The following DNAH14 variants were observed in gnomAD, a reference collection of about 807,000 sequenced individuals.
DNAH14 encodes axonemal beta dynein heavy chain 14.
DNAH14 carries 478 observed loss-of-function variants against 520.9 expected under a neutral mutation model. That is an observed-to-expected ratio of 0.92 (90% CI 0.85 to 0.99). The LOEUF is 0.99. Ranked by LOEUF, DNAH14 falls within the 50% of genes least tolerant of loss-of-function variation. The pLI, the probability that DNAH14 is intolerant of heterozygous loss-of-function variation, is 0.00. For synonymous variants in DNAH14, 1,581 were observed against 1,757.2 expected, an observed-to-expected ratio of 0.90 and a Z score of 2.51; for missense variants, 4,831 against 5,234.5, an observed-to-expected ratio of 0.92 and a Z score of 2.38.
chr1:224,983,679 T>G (rs953424493), intron 8 of DNAH14, among the ~76,000 whole-genome samples: 15 of 152,146 alleles, frequency 9.9e-5, no homozygotes, highest in African/African-American at 3.6e-4. Context: ...CTCCTAGCAC[T>G]GATAAAAGTA....
chr1:224,997,355 A>C (rs1158696776), intron 8 of DNAH14, among the ~76,000 whole-genome samples: 1 of 151,996 alleles, frequency 6.6e-6, no homozygotes, highest in Non-Finnish European at 1.5e-5. Flanking sequence ...TTCTTTGTTG[A>C]ACTGAGCCAT....
In DNAH14 at chr1:225,112,136, T is replaced by C. The variant is rs115017020; in HGVS notation, c.3868-5548T>C. Reference sequence around the variant, plus strand: ...TCTGATTGATGGACTCTCTTCAACATTTCTTGTATAACATGTGTCATCTTG... The same window carrying C: ...TCTGATTGATGGACTCTCTTCAACACTTCTTGTATAACATGTGTCATCTTG... On this transcript the variant is annotated intron_variant, in intron 23 of 85. Coordinates refer to ENST00000682510, the MANE Select transcript of DNAH14 (RefSeq NM_001367479.1). Among the ~76,000 whole-genome samples, 316 of 152,276 alleles carry C rather than the reference T, an allele frequency of 2.1e-3. 1 individual carries two copies. Among genetic ancestry groups the C allele is most frequent in the African/African-American group, 7.3e-3 (302 of 41,584 alleles).
At chr1:225,027,228 C>A (rs757145567) in intron 11 of DNAH14, among the ~76,000 whole-genome samples, 6 of 152,114 alleles carry the variant, frequency 3.9e-5, no homozygotes, top group Non-Finnish European at 8.8e-5. Context: ...CTTTACCAAT[C>A]TGATACCTTT....
rs574286605 is a variant in DNAH14, at chr1:225,156,905, C to T, written c.5274-2409C>T. Among the ~76,000 whole-genome samples the T allele has an allele frequency of 4.1e-5, 5 of 121,120 alleles. 1 individual carries two copies. In the East Asian group the frequency reaches 1.0e-3, roughly 25 times the overall value. 79.5% of individuals were successfully genotyped at this position (121,120 alleles called of 152,430 possible). A position where few individuals can be genotyped will look rare whatever the true frequency, so the allele number is the denominator to read the frequency against. ...AATTTTTTTGTATTTTTAGTAGAGA[C>T]GGGGTTTCACCGTTTTAGCCGGGAT... On this transcript the variant is annotated intron_variant, in intron 34 of 85. Transcript: ENST00000682510.
At chr1:225,340,425 C>A in intron 68 of DNAH14, 32 bp from the exon 69 acceptor site, 1 of 1,492,900 alleles carries the variant, frequency 6.7e-7, no homozygotes, top group South Asian at 1.3e-5. Flanking sequence ...TCTACATGTT[C>A]TTTGAATAAC....
intron 76 of DNAH14, among the ~76,000 whole-genome samples, chr1:225,367,531 C>G (rs1258888921): frequency 1.3e-5 from 2 of 152,156 alleles, no homozygotes; most frequent in Non-Finnish European, 1.5e-5. Context: ...AATCCCAAGC[C>G]CTATGCTCTG....
At chr1:225,378,045 A>G (rs2095725420) in intron 79 of DNAH14, among the ~76,000 whole-genome samples, 1 of 152,066 alleles carries the variant, frequency 6.6e-6, no homozygotes, top group African/African-American at 2.4e-5. Flanking sequence ...CAGTTTCTCA[A>G]TTATCTCTTT....
intron 11 of DNAH14, among the ~76,000 whole-genome samples, chr1:225,025,344 A>ATG (rs967399575): frequency 8.6e-5 from 13 of 150,746 alleles, no homozygotes; most frequent in Non-Finnish European, 1.8e-4. Context: ...ATATATATAT[A>ATG]TATATATGTT....
intron 8 of DNAH14, among the ~76,000 whole-genome samples, chr1:224,980,835 C>G (rs2062213617): frequency 6.6e-6 from 1 of 152,186 alleles, no homozygotes; most frequent in African/African-American, 2.4e-5. Flanking sequence ...ACCCCACCCC[C>G]AGCTCCATGT....
At chr1:225,130,535 T>C (rs2078281275) in intron 27 of DNAH14, among the ~76,000 whole-genome samples, 3 of 150,792 alleles carry the variant, frequency 2.0e-5, no homozygotes. Context: ...TGGATGAAAA[T>C]TGGAAATCAT....
At chr1:225,335,842 C>T (rs1385094484) in intron 66 of DNAH14, among the ~76,000 whole-genome samples, 3 of 93,696 alleles carry the variant, frequency 3.2e-5, no homozygotes, top group Non-Finnish European at 6.6e-5. Context: ...CATATATGTA[C>T]ATACACATAT....
In DNAH14 at chr1:225,042,332, T is replaced by C. The variant is rs116445221; in HGVS notation, c.1489-503T>C. Reference sequence around the variant, plus strand: ...AGAACAATTATTTACATAAATGAGATATTTATCCCCTAGTGTTTTTCACTG... The same window carrying C: ...AGAACAATTATTTACATAAATGAGACATTTATCCCCTAGTGTTTTTCACTG... On this transcript the variant is annotated intron_variant, in intron 12 of 85. Transcript: ENST00000682510. Among the ~76,000 whole-genome samples, 764 of 152,318 alleles carry C rather than the reference T, an allele frequency of 5.0e-3. 6 individuals carry two copies. Among genetic ancestry groups the C allele is most frequent in the African/African-American group, 0.017 (721 of 41,552 alleles).
intron 23 of DNAH14, among the ~76,000 whole-genome samples, chr1:225,113,119 G>T (rs927174511): frequency 2.0e-5 from 3 of 152,032 alleles, no homozygotes; most frequent in African/African-American, 7.2e-5. Context: ...TCGTTCTTGG[G>T]CAGGCCTTCC....
intron 78 of DNAH14, among the ~76,000 whole-genome samples, chr1:225,375,977 A>T (rs1465815999): frequency 1.3e-5 from 2 of 151,758 alleles, no homozygotes; most frequent in Non-Finnish European, 2.9e-5. Flanking sequence ...AGTCCCAGCT[A>T]CTCAAGAGGC....
At chr1:225,020,114 A>G (rs2065545618) in intron 10 of DNAH14, among the ~76,000 whole-genome samples, 1 of 152,134 alleles carries the variant, frequency 6.6e-6, no homozygotes, top group South Asian at 2.1e-4. Flanking sequence ...CCTGGTGCCT[A>G]GATTTATAAG....
At chr1:225,101,304 A>G (rs995358180) in intron 23 of DNAH14, among the ~76,000 whole-genome samples, 1 of 152,088 alleles carries the variant, frequency 6.6e-6, no homozygotes, top group African/African-American at 2.4e-5. Flanking sequence ...ATATAAAATA[A>G]TCACATCAAG....
At position 225,095,728 on chromosome 1, in the gene DNAH14, T is replaced by C. The variant is rs572275185; in HGVS notation, c.3574-1390T>C. Among the ~76,000 whole-genome samples, 200 of 152,222 alleles carry C rather than the reference T, an allele frequency of 1.3e-3. 1 individual carries two copies. The highest frequency in any genetic ancestry group is 4.7e-3 in the African/African-American group (196 of 41,534). Reference sequence around the variant, plus strand: ...AAATAATTATGCTAAGTGAAAGAAGTCAGAGCAAAGTGAATACATGTTGTA... The same window carrying C: ...AAATAATTATGCTAAGTGAAAGAAGCCAGAGCAAAGTGAATACATGTTGTA... On this transcript the variant is annotated intron_variant, in intron 21 of 85. Transcript: ENST00000682510.
chr1:225,311,018 C>G (rs1319920373), intron 60 of DNAH14, among the ~76,000 whole-genome samples: 2 of 152,072 alleles, frequency 1.3e-5, no homozygotes, highest in Non-Finnish European at 2.9e-5. Context: ...TTAAGGAATT[C>G]CCACACTGTC....
At chr1:225,335,974 C>T (rs1285485195) in intron 66 of DNAH14, among the ~76,000 whole-genome samples, 6 of 143,750 alleles carry the variant, frequency 4.2e-5, no homozygotes, top group Admixed American at 2.8e-4. Context: ...CATATATGTA[C>T]ATATGTGTAT....
Sources: allele counts gnomAD v4.1 joint callset (sites outside exome capture counted in the v4.1 genomes callset), GRCh38; gene constraint gnomAD v4.1.1; transcripts MANE v1.5; gene names NCBI Gene and HGNC (gene_info 2026-07-23, HGNC 2026-07-21).